The following AKT1 variants were observed in gnomAD, a reference collection of about 807,000 sequenced individuals.
The protein encoded by AKT1 is RAC-alpha serine/threonine-protein kinase.
In AKT1, 21 loss-of-function variants were observed where a neutral mutation model predicts 63.1. That is an observed-to-expected ratio of 0.33 (90% CI 0.24 to 0.48). The LOEUF (loss-of-function observed/expected upper bound fraction) is 0.48, where lower values mean the gene tolerates loss of function less well. Ranked by LOEUF, AKT1 falls within the 20% of genes least tolerant of loss-of-function variation. The pLI, the probability that AKT1 is intolerant of heterozygous loss-of-function variation, is 0.99. For synonymous variants in AKT1, 257 were observed against 253.1 expected, an observed-to-expected ratio of 1.02 and a Z score of -0.15; for missense variants, 382 against 666.0, an observed-to-expected ratio of 0.57 and a Z score of 4.69.
chr14:104,773,184 C>T, intron 11 of AKT1, 67 bp downstream of exon 11: 3 of 1,611,100 alleles, frequency 1.9e-6, no homozygotes, highest in African/African-American at 1.3e-5. Flanking sequence ...ACAGAGAGGA[C>T]ACAGCATTGC....
In AKT1 at chr14:104,775,696, C is replaced by A; in HGVS notation, c.391G>T (p.Ala131Ser). ...RSGSPSDNSG[A>S]EEMEVSLAKP... ...GCCAGGGACACCTCCATCTCTTCAG[C>A]CCCTGAGTTGTCACTGGGTGAGCCC... Residue 131 changes from alanine to serine, a missense_variant, in exon 6 of 15, where the codon GCT (alanine) becomes TCT (serine). Coordinates refer to ENST00000649815, the MANE Select transcript of AKT1 (RefSeq NM_001382430.1). The A allele has an allele frequency of 1.2e-6, 2 of 1,614,114 alleles. No homozygotes were observed. Among genetic ancestry groups the A allele is most frequent in the South Asian group, 1.1e-5 (1 of 91,088 alleles).
Position 104,771,388 on chromosome 14 carries a change from G to A in AKT1, c.1261-541C>T, listed in dbSNP as rs115806317. 565 of 232,000 alleles carry A rather than the reference G, an allele frequency of 2.4e-3. 5 individuals are homozygous for A. The highest frequency in any genetic ancestry group is 0.012 in the African/African-American group (527 of 45,280). 14.4% of individuals were successfully genotyped at this position (232,000 alleles called of 1,614,324 possible). On this transcript the variant is annotated intron_variant, in intron 13 of 14. Coordinates refer to ENST00000649815, the MANE Select transcript of AKT1 (RefSeq NM_001382430.1). ...TGTGCACACGTGAGGAGCTGCCAGAGAGCCCCTCAGGTCCCACAGTCAAGG... is the reference window on the plus strand; with the variant it reads ...TGTGCACACGTGAGGAGCTGCCAGAAAGCCCCTCAGGTCCCACAGTCAAGG...
intron 14 of AKT1, 29 bp downstream of exon 14, chr14:104,770,716 G>T: frequency 6.3e-7 from 1 of 1,587,822 alleles, no homozygotes; most frequent in Non-Finnish European, 8.6e-7. Context: ...AGAAAAGGGA[G>T]TGGGCGGGGG....
intron 9 of AKT1, 51 bp downstream of exon 9, chr14:104,773,851 CGGCCCCACCA>C: frequency 1.3e-6 from 2 of 1,499,700 alleles, no homozygotes; most frequent in South Asian, 2.4e-5. Context: ...CGGGAAGGAC[CGGCCCCACCA>C]TGGGCGGCCC....
At chr14:104,775,935 C>G in intron 5 of AKT1, 136 bp from the exon 6 acceptor site, 2 of 1,061,984 alleles carry the variant, frequency 1.9e-6, no homozygotes, top group Non-Finnish European at 2.7e-6. Context: ...AGGAGGCCAC[C>G]ACTTGACCTG....
intron 3 of AKT1, among the ~76,000 whole-genome samples, chr14:104,782,780 A>T (rs1219713987): frequency 6.6e-6 from 1 of 151,966 alleles, no homozygotes; most frequent in Non-Finnish European, 1.5e-5. Flanking sequence ...CAGCACACAG[A>T]CCCCTCCAGG....
chr14:104,771,158 C>T, intron 13 of AKT1: 1 of 361,586 alleles, frequency 2.8e-6, no homozygotes. Flanking sequence ...GAGGTGATAA[C>T]TTTATTTTTC....
Position 104,780,134 on chromosome 14 carries a change from C to T in AKT1, c.129G>A (p.Gln43=), listed in dbSNP as rs2140949061. Residue 43 remains glutamine, a synonymous_variant, in exon 4 of 15, where the codon CAG becomes CAA. Coordinates refer to ENST00000649815, the MANE Select transcript of AKT1 (RefSeq NM_001382430.1). ...GGGGAGCCTCACGTTGGTCCACATC[C>T]TGCGGCCGCTCCTTGTAGCCAATGA... is the stretch of plus-strand genomic sequence containing the variant. ...GTFIGYKERP[Q]DVDQREAPLN... is the part of the protein sequence containing the mutation. The T allele has an allele frequency of 1.2e-6, 2 of 1,613,682 alleles. No homozygotes were observed. Among genetic ancestry groups the T allele is most frequent in the South Asian group, 1.1e-5 (1 of 91,080 alleles).
intron 3 of AKT1, among the ~76,000 whole-genome samples, chr14:104,782,546 G>T (rs1007569422): frequency 1.3e-5 from 2 of 152,160 alleles, no homozygotes. Flanking sequence ...AGGCCCAGGG[G>T]CGGCGCTTAC....
At chr14:104,775,037 C>T (rs1325623928) in intron 7 of AKT1, 34 bp from the exon 8 acceptor site, 2 of 1,613,264 alleles carry the variant, frequency 1.2e-6, no homozygotes, top group Non-Finnish European at 1.7e-6. Context: ...TGCCACCCCG[C>T]ACCCTCATCT....
At position 104,769,851 on chromosome 14, in the gene AKT1, T is replaced by G. The variant is rs1892277015; in HGVS notation, c.*490A>C. On this transcript the variant is annotated 3_prime_UTR_variant, in exon 15 of 15. Coordinates refer to ENST00000649815, the MANE Select transcript of AKT1 (RefSeq NM_001382430.1). Reference sequence around the variant, plus strand: ...TAGTGCTGGGGGGCTGCTGTGTGCCTGCCACCCCCAGGAGAGGGTGCTGGC... The same window carrying G: ...TAGTGCTGGGGGGCTGCTGTGTGCCGGCCACCCCCAGGAGAGGGTGCTGGC... 4 of 384,516 alleles carry G rather than the reference T, an allele frequency of 1.0e-5. No individual in the cohort carries two copies. Among genetic ancestry groups the G allele is most frequent in the Non-Finnish European group, 1.9e-5 (4 of 206,450 alleles). 23.8% of individuals were successfully genotyped at this position (384,516 alleles called of 1,614,324 possible). A position where few individuals can be genotyped will look rare whatever the true frequency, so the allele number is the denominator to read the frequency against.
intron 3 of AKT1, among the ~76,000 whole-genome samples, chr14:104,780,834 G>A (rs949070627): frequency 9.9e-5 from 15 of 152,170 alleles, no homozygotes; most frequent in African/African-American, 3.1e-4. Context: ...CCGTGGGATC[G>A]CACTCCCTGT....
chr14:104,772,829 G>A (rs749400277), intron 12 of AKT1, 49 bp downstream of exon 12: 22 of 1,560,880 alleles, frequency 1.4e-5, no homozygotes, highest in Non-Finnish European at 1.9e-5. Context: ...TGCAGCCTGG[G>A]GATGAGGGGA....
chr14:104,773,759 A>AGCAGGCAGCTGCCTGG, intron 9 of AKT1, 153 bp downstream of exon 9: 1 of 1,205,778 alleles, frequency 8.3e-7, no homozygotes, highest in Non-Finnish European at 1.2e-6. Context: ...GTCACCCCAC[A>AGCAGGCAGCTGCCTGG]GCAGGCAGCT....
At chr14:104,770,690 C>T (rs1200618939) in intron 14 of AKT1, 55 bp downstream of exon 14, 1 of 1,440,432 alleles carries the variant, frequency 6.9e-7, no homozygotes, top group East Asian at 2.3e-5. Context: ...CACTGCAGGC[C>T]TCTCTGAGTG....
In AKT1 at chr14:104,772,898, G is replaced by A; in HGVS notation, c.1152C>T (p.Leu384=). The A allele has an allele frequency of 6.2e-7, 1 of 1,612,020 alleles. No individual in the cohort carries two copies. Among genetic ancestry groups the A allele is most frequent in the African/African-American group, 1.3e-5 (1 of 75,024 alleles). Residue 384 remains leucine, a synonymous_variant, in exon 12 of 15, where the codon CTC becomes CTT. Coordinates refer to ENST00000649815, the MANE Select transcript of AKT1 (RefSeq NM_001382430.1). Reference sequence around the variant, plus strand: ...CTCACCTCTGCTTGGGGTCCTTCTTGAGCAGCCCTGAAAGCAAGGACTTGG... The same window carrying A: ...CTCACCTCTGCTTGGGGTCCTTCTTAAGCAGCCCTGAAAGCAAGGACTTGG... ...PEAKSLLSGL[L]KKDPKQRLGG...
rs61759777 is a variant in AKT1, at chr14:104,788,216, G to A, written c.46+4382C>T. ...CACTGAAGCCACCTAGACGCAGCCT[G>A]GGGTTGACCCTCACCTGACAGCCTG... On this transcript the variant is annotated intron_variant, in intron 3 of 14. Coordinates refer to ENST00000649815, the MANE Select transcript of AKT1 (RefSeq NM_001382430.1). Among the ~76,000 whole-genome samples, 1,358 of 152,302 alleles carry A rather than the reference G, an allele frequency of 8.9e-3. 20 individuals are homozygous for A. The highest frequency in any genetic ancestry group is 0.031 in the African/African-American group (1,307 of 41,572).
Position 104,773,396 on chromosome 14 carries a change from C to T in AKT1, c.829-17G>A. 1 of 1,614,126 alleles carries T rather than the reference C, an allele frequency of 6.2e-7. No homozygotes were observed. Among genetic ancestry groups the T allele is most frequent in the Non-Finnish European group, 8.5e-7 (1 of 1,179,984 alleles). On this transcript the variant is annotated splice_polypyrimidine_tract_variant and intron_variant, in intron 10 of 14. Transcript: ENST00000649815. ...GTTCTCCAGCTAGGGGAAAGGTGGC[C>T]TCAGGTCAGTGCCGCCAGGCCCCCA...
At chr14:104,793,877 C>T (rs1388055385) in intron 1 of AKT1, 2 of 152,254 alleles carry the variant, frequency 1.3e-5, no homozygotes, top group African/African-American at 2.4e-5. Context: ...GAGGAGGGTC[C>T]TCTCTGGGAC....
Sources: gnomAD v4.1 joint callset for allele counts (sites outside exome capture counted in the v4.1 genomes callset) on GRCh38, gnomAD v4.1.1 for gene constraint, MANE v1.5 for transcripts, NCBI Gene and HGNC (gene_info 2026-07-23, HGNC 2026-07-21) for gene names.